Variants in ABLIM2 observed in about 807,000 individuals in gnomAD.
ABLIM2 encodes actin-binding LIM protein 2.
In ABLIM2, 53 loss-of-function variants were observed where a neutral mutation model predicts 97.7. The observed-to-expected ratio is 0.54, with a 90% confidence interval of 0.44 to 0.68. The LOEUF is 0.68. ABLIM2 is among the 30% of genes least tolerant of loss of function. The pLI is 0.00. For synonymous variants in ABLIM2, 361 were observed against 345.8 expected (o/e 1.04, Z -0.49); for missense variants, 835 against 867.2 (o/e 0.96, Z 0.47).
chr4:8,085,451 C>A lies in ABLIM2; in HGVS notation c.454+2718G>T, dbSNP rs937006643. Among the ~76,000 whole-genome samples the A allele has an allele frequency of 6.6e-6, 1 of 152,152 alleles. No homozygotes were observed. The highest frequency in any genetic ancestry group is 1.5e-5 in the Non-Finnish European group (1 of 68,020). On this transcript the variant is annotated intron_variant, in intron 4 of 20. Coordinates refer to ENST00000447017, the MANE Select transcript of ABLIM2 (RefSeq NM_001130083.2). This position sits in a 1 kb window ranked among gnomAD's most constrained non-coding sequence, Gnocchi z 6.1. ...GTGCCATTCCCATTCCCCGCCCCCA[C>A]GCTGCAGCCCCGTCCACTCACACGG...
chr4:7,994,800 G>T (rs1173348698), intron 16 of ABLIM2, among the ~76,000 whole-genome samples: 8 of 110,942 alleles, frequency 7.2e-5, no homozygotes, highest in Admixed American at 1.9e-4. Context: ...AAAAGCAATG[G>T]CAACAAAAGA....
In ABLIM2 at chr4:8,032,517, G is replaced by A; in HGVS notation, c.1048-2741C>T. 8.8e-7 allele frequency: 1 copy of A among 1,137,326 alleles called. No individual in the cohort carries two copies. 70.5% of individuals were successfully genotyped at this position (1,137,326 alleles called of 1,614,324 possible). A position where few individuals can be genotyped will look rare whatever the true frequency, so the allele number is the denominator to read the frequency against. On this transcript the variant is annotated intron_variant, in intron 10 of 20. Transcript: ENST00000447017. This position sits in a 1 kb window ranked among gnomAD's most constrained non-coding sequence, Gnocchi z 4.3. ...CAGGAGGGTGCCCCATGTCACAAGGGCCGTGGCCCCGGGCCCCATGGTGAA... is the reference window on the plus strand; with the variant it reads ...CAGGAGGGTGCCCCATGTCACAAGGACCGTGGCCCCGGGCCCCATGGTGAA...
At position 8,075,017 on chromosome 4, in the gene ABLIM2, C is replaced by T. The variant is rs908786544; in HGVS notation, c.675+2611G>A. 6.6e-6 allele frequency among the ~76,000 whole-genome samples: 1 copy of T among 152,150 alleles called. No homozygotes were observed. Among genetic ancestry groups the T allele is most frequent in the Non-Finnish European group, 1.5e-5 (1 of 68,028 alleles). On this transcript the variant is annotated intron_variant, in intron 6 of 20. Transcript: ENST00000447017. The surrounding 1 kb of genome is among the most constrained non-coding windows in gnomAD (Gnocchi z 4.4). ...GCCAGGCTGGTCTTGAACTCCTGAC[C>T]TCGTGATCCGCCTGCCTCAGCCTCC...
chr4:7,987,062 A>C (rs1200659881), intron 17 of ABLIM2, among the ~76,000 whole-genome samples: 2 of 152,102 alleles, frequency 1.3e-5, no homozygotes, highest in Non-Finnish European at 2.9e-5. Flanking sequence ...AGCTCATTGC[A>C]ACCTCTGCTT....
intron 20 of ABLIM2, among the ~76,000 whole-genome samples, chr4:7,973,115 G>GTGTGTGTGTGTGT (rs1347584652): frequency 2.5e-4 from 37 of 149,744 alleles, no homozygotes; most frequent in East Asian, 3.9e-4. Flanking sequence ...GTGTGTGTAG[G>GTGTGTGTGTGTGT]GTGAGGGATG....
chr4:8,042,300 T>C (rs1323469939), intron 9 of ABLIM2, among the ~76,000 whole-genome samples: 5 of 152,198 alleles, frequency 3.3e-5, no homozygotes, highest in Non-Finnish European at 7.3e-5. Context: ...CCTAGAAACA[T>C]GAGTCTAACC....
chr4:8,093,028 T>C (rs183489411), intron 3 of ABLIM2, among the ~76,000 whole-genome samples: 49 of 152,174 alleles, frequency 3.2e-4, no homozygotes, highest in Non-Finnish European at 5.7e-4. Context: ...TTTGTATTTT[T>C]AGTAGAGACA....
chr4:8,116,123 C>A (rs1842665580), intron 1 of ABLIM2, among the ~76,000 whole-genome samples: 1 of 152,238 alleles, frequency 6.6e-6, no homozygotes. Context: ...ACAAGGCATA[C>A]CCACTGTGCC....
At chr4:8,096,033 G>A (rs1831386552) in intron 3 of ABLIM2, among the ~76,000 whole-genome samples, 1 of 152,118 alleles carries the variant, frequency 6.6e-6, no homozygotes, top group Non-Finnish European at 1.5e-5. Context: ...TTCCAGCTGT[G>A]CCTGCCTTTC....
chr4:8,071,693 A>AACCCCCCCCCC lies in ABLIM2; in HGVS notation c.675+5934_675+5935insGGGGGGGGGGT. On this transcript the variant is annotated intron_variant, in intron 6 of 20. Coordinates refer to ENST00000447017, the MANE Select transcript of ABLIM2 (RefSeq NM_001130083.2). This position sits in a 1 kb window ranked among gnomAD's most constrained non-coding sequence, Gnocchi z 6.2. ...ACACCTGACTGCTCTGTCCCCAAAAACCCACCCACCCGCAGCCCCTCCTGG... is the reference window on the plus strand; with the variant it reads ...ACACCTGACTGCTCTGTCCCCAAAAAACCCCCCCCCCCCCACCCACCCGCAGCCCCTCCTGG... 2 of 819,832 alleles carry AACCCCCCCCCC rather than the reference A, an allele frequency of 2.4e-6. No homozygotes were observed. The highest frequency in any genetic ancestry group is 1.5e-6 in the Non-Finnish European group (1 of 679,294). 50.8% of individuals were successfully genotyped at this position (819,832 alleles called of 1,614,324 possible). A position where few individuals can be genotyped will look rare whatever the true frequency, so the allele number is the denominator to read the frequency against.
At chr4:8,094,741 A>G (rs1326056515) in intron 3 of ABLIM2, among the ~76,000 whole-genome samples, 2 of 152,224 alleles carry the variant, frequency 1.3e-5, no homozygotes, top group Non-Finnish European at 2.9e-5. Context: ...GCATAAGACA[A>G]TATGAGGGGT....
In ABLIM2 at chr4:7,966,629, A is replaced by C; in HGVS notation, c.*361T>G. ...AAGCCTCACAGCTCACGTCCCGGCC[A>C]CCTCTGTCCCCCACGTGCCCAGCAC... On this transcript the variant is annotated 3_prime_UTR_variant, in exon 21 of 21. Transcript: ENST00000447017. The C allele has an allele frequency of 4.4e-6, 1 of 228,796 alleles. No homozygotes were observed. Among genetic ancestry groups the C allele is most frequent in the Non-Finnish European group, 8.6e-6 (1 of 116,148 alleles). The allele number at this position is 228,796 out of a possible 1,614,324, so 14.2% of individuals were successfully genotyped here.
At chr4:8,035,972 A>T (rs1784248162) in intron 10 of ABLIM2, among the ~76,000 whole-genome samples, 177 bp downstream of exon 10, 1 of 152,182 alleles carries the variant, frequency 6.6e-6, no homozygotes, top group Non-Finnish European at 1.5e-5. Context: ...CTTGGGCATT[A>T]CTGAAATAGG....
chr4:7,983,519 A>T, intron 19 of ABLIM2, 28 bp downstream of exon 19: 2 of 1,612,802 alleles, frequency 1.2e-6, no homozygotes, highest in Non-Finnish European at 8.5e-7. Flanking sequence ...CGCGGCACGG[A>T]GGTCAGTGTG....
At chr4:8,114,475 A>G (rs2138826) in intron 1 of ABLIM2, among the ~76,000 whole-genome samples, 110,487 of 152,104 alleles carry the variant, frequency 0.73, 40,891 homozygotes, top group South Asian at 0.94. Context: ...TTTATAGGTC[A>G]TGCCTCGGTT....
chr4:8,117,015 T>A (rs1843076702), intron 1 of ABLIM2, among the ~76,000 whole-genome samples: 2 of 152,222 alleles, frequency 1.3e-5, no homozygotes, highest in African/African-American at 2.4e-5. Flanking sequence ...CTCCTCACCA[T>A]CTCTGCACAG....
At chr4:8,145,633 G>A (rs1359406838) in intron 1 of ABLIM2, among the ~76,000 whole-genome samples, 2 of 152,054 alleles carry the variant, frequency 1.3e-5, no homozygotes, top group African/African-American at 2.4e-5. Flanking sequence ...CTGAGGACAT[G>A]AAATCTCAGG....
At chr4:8,101,002 G>C (rs551237778) in intron 2 of ABLIM2, among the ~76,000 whole-genome samples, 91 of 152,344 alleles carry the variant, frequency 6.0e-4, no homozygotes, top group Admixed American at 1.6e-3. Flanking sequence ...ACATTTTAAA[G>C]AGACTCAGAC....
At chr4:8,109,644 G>A (rs1839328023) in intron 1 of ABLIM2, among the ~76,000 whole-genome samples, 2 of 152,190 alleles carry the variant, frequency 1.3e-5, no homozygotes, top group African/African-American at 4.8e-5. Context: ...CCTGGGTCAT[G>A]CTGGGGCCGC....
Sources: allele counts gnomAD v4.1 joint callset (sites outside exome capture counted in the v4.1 genomes callset), GRCh38; gene constraint gnomAD v4.1.1; non-coding constraint Gnocchi (gnomAD v3.1); transcripts MANE v1.5; gene names NCBI Gene and HGNC (gene_info 2026-07-23, HGNC 2026-07-21).